Variants in SMARCA2 observed in about 807,000 individuals in gnomAD.
SMARCA2 encodes the protein SWI/SNF related BAF chromatin remodeling complex subunit ATPase 2, also known as SWI/SNF-related matrix-associated actin-dependent regulator of chromatin subfamily A member 2.
In SMARCA2, 61 loss-of-function variants were observed where a neutral mutation model predicts 199.8. The ratio of observed to expected loss-of-function variants is 0.31; its 90% CI spans 0.25 to 0.38. The LOEUF (loss-of-function observed/expected upper bound fraction) is 0.38, where lower values mean the gene tolerates loss of function less well. SMARCA2 is among the 10% of genes least tolerant of loss of function. SMARCA2 has a pLI of 1.00. For synonymous variants in SMARCA2, 935 were observed against 732.0 expected (o/e 1.28, Z -4.48); for missense variants, 1,344 against 2,012.2 (o/e 0.67, Z 6.35).
intron 5 of SMARCA2, among the ~76,000 whole-genome samples, chr9:2,048,181 T>C (rs73638368): frequency 0.024 from 3,728 of 152,192 alleles, 142 homozygotes; most frequent in African/African-American, 0.085. Context: ...GGAGGCAGAA[T>C]TTGGCCTGCA....
rs74502095 is a variant in SMARCA2, at chr9:2,110,666, C to G, written c.3456+249C>G. Among the ~76,000 whole-genome samples, 1,106 of 152,296 alleles carry G rather than the reference C, an allele frequency of 7.3e-3. 12 individuals are homozygous for G. Among genetic ancestry groups the G allele is most frequent in the African/African-American group, 0.025 (1,047 of 41,574 alleles). On this transcript the variant is annotated intron_variant, in intron 24 of 33. Coordinates refer to ENST00000349721, the MANE Select transcript of SMARCA2 (RefSeq NM_003070.5). This position sits in a 1 kb window ranked among gnomAD's most constrained non-coding sequence, Gnocchi z 4.8. The stretch of plus-strand genomic sequence containing the variant: ...TTTCTCCTTAGTTTTAATCCCATCT[C>G]TTGGGATTGCCATTGAACAAAGTAT...
In SMARCA2 at chr9:2,056,842, C is replaced by G. The variant is rs1417848314; in HGVS notation, c.1344C>G (p.His448Gln). 1.9e-6 allele frequency: 3 copies of G among 1,611,916 alleles called. No homozygotes were observed. The highest frequency in any genetic ancestry group is 2.2e-5 in the East Asian group (1 of 44,878). ...IEQERKRRQK[H>Q]QEYLNSILQH... ...AGGAGAGGAAACGCCGTCAGAAACA[C>G]CAGGTTCTTAGACCCTGGGCTTTGC... The change falls in exon 7 of 34, where the codon CAC becomes CAG. Residue 448 changes from histidine to glutamine, a missense_variant. His to Gln is a conservative substitution (Grantham distance 24, BLOSUM62 0). Coordinates refer to ENST00000349721, the MANE Select transcript of SMARCA2 (RefSeq NM_003070.5). This position sits in a 1 kb window ranked among gnomAD's most constrained non-coding sequence, Gnocchi z 4.0.
At chr9:2,085,218 CA>C (rs768794883) in intron 17 of SMARCA2, among the ~76,000 whole-genome samples, 8 of 152,248 alleles carry the variant, frequency 5.3e-5, no homozygotes, top group Non-Finnish European at 8.8e-5. Context: ...ATGAATTTGG[CA>C]GTGTCAAAAA....
chr9:2,067,947 G>A (rs947591957), intron 9 of SMARCA2, among the ~76,000 whole-genome samples: 5 of 152,166 alleles, frequency 3.3e-5, no homozygotes, highest in Non-Finnish European at 7.4e-5. Flanking sequence ...GCTTTTTAAT[G>A]TACTATTCAT....
intron 2 of SMARCA2, 104 bp downstream of exon 2, chr9:2,029,351 G>T: frequency 2.1e-6 from 3 of 1,463,360 alleles, no homozygotes; most frequent in Non-Finnish European, 2.8e-6. Flanking sequence ...AGAAAATCAT[G>T]CAAGATCTTT....
At chr9:2,172,971 T>C (rs371028206) in intron 29 of SMARCA2, among the ~76,000 whole-genome samples, 84 of 152,216 alleles carry the variant, frequency 5.5e-4, no homozygotes, top group African/African-American at 2.0e-3. Context: ...AGGAAGATAG[T>C]CCTTAAAATA....
At chr9:2,029,837 T>C (rs561145046) in intron 2 of SMARCA2, among the ~76,000 whole-genome samples, 6 of 152,370 alleles carry the variant, frequency 3.9e-5, no homozygotes, top group East Asian at 1.9e-4. Flanking sequence ...CAGCTGTTTA[T>C]TTCTGGACTA....
intron 27 of SMARCA2, among the ~76,000 whole-genome samples, chr9:2,141,357 C>T (rs7868484): frequency 7.9e-5 from 12 of 151,882 alleles, no homozygotes; most frequent in African/African-American, 2.7e-4. Flanking sequence ...TTTTGGATTT[C>T]GCATTTAGTT....
In SMARCA2 at chr9:2,122,111, TAAAAGAA is replaced by T. The variant is rs375610517; in HGVS notation, c.3763-1599_3763-1593del. On this transcript the variant is annotated intron_variant, in intron 26 of 33. Coordinates refer to ENST00000349721, the MANE Select transcript of SMARCA2 (RefSeq NM_003070.5). Reference sequence around the variant, plus strand: ...CTTATGTAATCGAATCTACCTTTCCTAAAAGAAAAAAGAAACAAGTGCATAATTTACT... The same window carrying T: ...CTTATGTAATCGAATCTACCTTTCCTAAAAGAAACAAGTGCATAATTTACT... 4.8e-3 allele frequency among the ~76,000 whole-genome samples: 738 copies of T among 152,270 alleles called. 5 individuals are homozygous for T. Among genetic ancestry groups the T allele is most frequent in the African/African-American group, 0.017 (697 of 41,572 alleles).
At chr9:2,126,870 C>T (rs59776455) in intron 27 of SMARCA2, among the ~76,000 whole-genome samples, 29,500 of 152,228 alleles carry the variant, frequency 0.19, 6,205 homozygotes, top group African/African-American at 0.51. Context: ...TCGTGGTCAG[C>T]TCTGATTAAT....
chr9:2,128,079 G>T (rs1823775673), intron 27 of SMARCA2, among the ~76,000 whole-genome samples: 1 of 152,130 alleles, frequency 6.6e-6, no homozygotes, highest in African/African-American at 2.4e-5. Context: ...GTGGTAGTCA[G>T]TTCAACATTC....
At chr9:2,080,545 C>G (rs1339744916) in intron 14 of SMARCA2, among the ~76,000 whole-genome samples, 1 of 152,220 alleles carries the variant, frequency 6.6e-6, no homozygotes, top group Non-Finnish European at 1.5e-5. Context: ...ACGTTGCAGG[C>G]TGACAGCTTC....
Position 2,061,466 on chromosome 9 carries a change from G to A in SMARCA2, c.1692+480G>A, listed in dbSNP as rs149857441. Among the ~76,000 whole-genome samples, 132 of 152,322 alleles carry A rather than the reference G, an allele frequency of 8.7e-4. 3 individuals carry two copies. The East Asian group carries it at 0.018, about 21-fold the overall frequency. ...CATTCAGTTCTGCTGTCCCTGTGTC[G>A]CAGTGAGGTGAGTGTGCACATTGGG... On this transcript the variant is annotated intron_variant, in intron 9 of 33. Transcript: ENST00000349721.
intron 31 of SMARCA2, among the ~76,000 whole-genome samples, chr9:2,183,860 A>G (rs569985774): frequency 6.6e-5 from 10 of 152,172 alleles, no homozygotes; most frequent in African/African-American, 2.2e-4. Flanking sequence ...CTCTGGATAG[A>G]TATTTGGATT....
intron 27 of SMARCA2, chr9:2,158,634 T>C: frequency 3.6e-6 from 1 of 274,132 alleles, no homozygotes; most frequent in Non-Finnish European, 6.8e-6. Flanking sequence ...TACTTTAGCA[T>C]TGTGTAGCAA....
intron 27 of SMARCA2, among the ~76,000 whole-genome samples, chr9:2,143,300 TG>T (rs1824554483): frequency 6.6e-6 from 1 of 152,038 alleles, no homozygotes. Flanking sequence ...GCAGTAGATG[TG>T]GGGAGGAAAA....
At chr9:2,190,458 CTT>C (rs1261452317) in intron 32 of SMARCA2, among the ~76,000 whole-genome samples, 3 of 152,160 alleles carry the variant, frequency 2.0e-5, no homozygotes, top group Non-Finnish European at 4.4e-5. Context: ...ATGTATGAGG[CTT>C]TACCTATAAA....
intron 28 of SMARCA2, among the ~76,000 whole-genome samples, chr9:2,162,572 G>T (rs1244045714): frequency 6.6e-6 from 1 of 152,220 alleles, no homozygotes; most frequent in Admixed American, 6.5e-5. Context: ...CCATACAGTA[G>T]ATGAACTAGT....
At chr9:2,047,144 GGGCCC>G (rs1819889640) in intron 4 of SMARCA2, 80 bp from the exon 5 acceptor site, 1 of 968,402 alleles carries the variant, frequency 1.0e-6, no homozygotes. Flanking sequence ...CCCCAGCACT[GGGCCC>G]CGGGGGGCGG....
Sources: allele counts gnomAD v4.1 joint callset (sites outside exome capture counted in the v4.1 genomes callset), GRCh38; gene constraint gnomAD v4.1.1; non-coding constraint Gnocchi (gnomAD v3.1); transcripts MANE v1.5; gene names NCBI Gene and HGNC (gene_info 2026-07-23, HGNC 2026-07-21).